Variants in GLCE observed in about 807,000 individuals in gnomAD.
GLCE encodes the protein glucuronic acid epimerase.
Under a neutral mutation model 47.9 loss-of-function variants are expected in GLCE, and 19 were observed. The ratio of observed to expected loss-of-function variants is 0.40; its 90% CI spans 0.28 to 0.58. GLCE has a LOEUF of 0.58. Ranked by LOEUF, GLCE falls within the 20% of genes least tolerant of loss-of-function variation. The probability of loss-of-function intolerance (pLI) is 0.48; values close to 1 mark genes in which losing one functional copy is unlikely to be tolerated. For missense variants in GLCE, 556 were observed against 743.3 expected (o/e 0.75, Z 2.93); for synonymous variants, 245 against 263.4 (o/e 0.93, Z 0.68).
At chr15:69,245,246 T>C (rs2052729823) in intron 2 of GLCE, among the ~76,000 whole-genome samples, 1 of 145,122 alleles carries the variant, frequency 6.9e-6, no homozygotes, top group African/African-American at 2.6e-5. Flanking sequence ...GGCACAAGAA[T>C]CGCTTGAACC....
chr15:69,179,481 G>T (rs2051720156), intron 1 of GLCE, among the ~76,000 whole-genome samples: 1 of 152,132 alleles, frequency 6.6e-6, no homozygotes, highest in South Asian at 2.1e-4. Context: ...GGCACTCATT[G>T]TATGTGTGTA....
chr15:69,264,361 TATG>T (rs2140453385), intron 4 of GLCE, among the ~76,000 whole-genome samples: 1 of 152,210 alleles, frequency 6.6e-6, no homozygotes, highest in East Asian at 1.9e-4. Flanking sequence ...ATTCTATAGG[TATG>T]TGTGTGTGTA....
At chr15:69,219,948 C>T (rs535501518) in intron 2 of GLCE, among the ~76,000 whole-genome samples, 1 of 152,150 alleles carries the variant, frequency 6.6e-6, no homozygotes, top group South Asian at 2.1e-4. Flanking sequence ...TGAATAAGTA[C>T]CTCATACAAA....
chr15:69,170,204 T>G (rs2140328233), intron 1 of GLCE, among the ~76,000 whole-genome samples: 1 of 152,308 alleles, frequency 6.6e-6, no homozygotes, highest in African/African-American at 2.4e-5. Context: ...ACTTAATTTG[T>G]ATTTCTTTGG....
At chr15:69,233,661 T>C (rs1238555362) in intron 2 of GLCE, among the ~76,000 whole-genome samples, 2 of 151,534 alleles carry the variant, frequency 1.3e-5, no homozygotes, top group African/African-American at 2.4e-5. Context: ...TTGTAGGGTA[T>C]GATAAGAAGC....
intron 2 of GLCE, among the ~76,000 whole-genome samples, chr15:69,241,867 T>C (rs1566966064): frequency 6.6e-6 from 1 of 152,214 alleles, no homozygotes; most frequent in Admixed American, 6.5e-5. Context: ...ACCAAATTAA[T>C]CATCAGAATC....
intron 1 of GLCE, among the ~76,000 whole-genome samples, chr15:69,161,453 C>T (rs1263116396): frequency 6.6e-6 from 1 of 151,916 alleles, no homozygotes; most frequent in South Asian, 2.1e-4. Flanking sequence ...TCTGCTTTGC[C>T]CGGAGCGGGG....
intron 2 of GLCE, among the ~76,000 whole-genome samples, chr15:69,238,617 G>A (rs1404078117): frequency 6.6e-6 from 1 of 152,104 alleles, no homozygotes; most frequent in Admixed American, 6.6e-5. Context: ...TAAGGTTTGA[G>A]GATAAATGAG....
chr15:69,248,218 T>G (rs1337031730), intron 2 of GLCE, among the ~76,000 whole-genome samples: 1 of 152,228 alleles, frequency 6.6e-6, no homozygotes, highest in African/African-American at 2.4e-5. Context: ...CCAAAAATAT[T>G]AGGCAGTTCT....
intron 2 of GLCE, among the ~76,000 whole-genome samples, chr15:69,220,225 G>T (rs576857535): frequency 7.9e-5 from 12 of 152,214 alleles, no homozygotes; most frequent in African/African-American, 2.9e-4. Flanking sequence ...GTTCTTTAGG[G>T]ATATACTGAG....
chr15:69,260,252 GTTTTTT>G (rs34911776), intron 3 of GLCE, among the ~76,000 whole-genome samples: 1 of 79,224 alleles, frequency 1.3e-5, no homozygotes. Context: ...GTCACAACTG[GTTTTTT>G]TTTTTTTTTT....
intron 1 of GLCE, among the ~76,000 whole-genome samples, chr15:69,167,253 A>G (rs549407236): frequency 2.6e-5 from 4 of 152,254 alleles, no homozygotes; most frequent in East Asian, 1.9e-4. Flanking sequence ...AACAAAAACT[A>G]TTGCTTGAAA....
chr15:69,161,260 G>A (rs1352831479), intron 1 of GLCE, among the ~76,000 whole-genome samples: 1 of 152,116 alleles, frequency 6.6e-6, no homozygotes, highest in Non-Finnish European at 1.5e-5. Flanking sequence ...TTGAGCGGGC[G>A]TGGGCGTCCG....
intron 1 of GLCE, among the ~76,000 whole-genome samples, chr15:69,186,576 AAAAT>A (rs1372802811): frequency 6.6e-5 from 10 of 152,346 alleles, no homozygotes; most frequent in African/African-American, 1.4e-4. Flanking sequence ...CTGATGCTAA[AAAAT>A]AAATAGTTGA....
In GLCE at chr15:69,173,588, T is replaced by G. The variant is rs570869169; in HGVS notation, c.-105+12831T>G. On this transcript the variant is annotated intron_variant, in intron 1 of 4. Coordinates refer to ENST00000261858, the MANE Select transcript of GLCE (RefSeq NM_015554.3). Reference sequence around the variant, plus strand: ...GGTCTTGCTCTGTTGCCCAGGCTGGTGACAATTTGAATGGAGTAAACATTC... The same window carrying G: ...GGTCTTGCTCTGTTGCCCAGGCTGGGGACAATTTGAATGGAGTAAACATTC... 2.2e-4 allele frequency among the ~76,000 whole-genome samples: 33 copies of G among 152,246 alleles called. 1 individual carries two copies. The South Asian group carries it at 6.2e-3, about 29-fold the overall frequency.
intron 3 of GLCE, chr15:69,260,872 TAATG>T (rs1164560947): frequency 2.0e-5 from 10 of 494,272 alleles, no homozygotes; most frequent in South Asian, 1.1e-4. Flanking sequence ...TGTTAACAAA[TAATG>T]AATGAGAGTG....
intron 1 of GLCE, among the ~76,000 whole-genome samples, chr15:69,207,365 C>G (rs1468409900): frequency 1.3e-5 from 2 of 151,998 alleles, no homozygotes; most frequent in African/African-American, 2.4e-5. Context: ...TACAGAACAA[C>G]TTCATCACAC....
chr15:69,250,409 C>G (rs557573722), intron 2 of GLCE, among the ~76,000 whole-genome samples: 1 of 152,124 alleles, frequency 6.6e-6, no homozygotes, highest in Non-Finnish European at 1.5e-5. Context: ...GAAAAAAACC[C>G]GTGCCCATTT....
At position 69,176,493 on chromosome 15, in the gene GLCE, G is replaced by T. The variant is rs542637687; in HGVS notation, c.-105+15736G>T. 2.6e-5 allele frequency among the ~76,000 whole-genome samples: 4 copies of T among 151,994 alleles called. No individual in the cohort carries two copies. The East Asian group carries it at 7.7e-4, about 29-fold the overall frequency. On this transcript the variant is annotated intron_variant, in intron 1 of 4. Transcript: ENST00000261858. Reference sequence around the variant, plus strand: ...CCCACCTCAGCCACCCAAAGTACTGGGATTACAGGCATGCGTCAGCCACCA... The same window carrying T: ...CCCACCTCAGCCACCCAAAGTACTGTGATTACAGGCATGCGTCAGCCACCA...
Sources: allele counts gnomAD v4.1 joint callset (sites outside exome capture counted in the v4.1 genomes callset), GRCh38; gene constraint gnomAD v4.1.1; transcripts MANE v1.5; gene names NCBI Gene and HGNC (gene_info 2026-07-23, HGNC 2026-07-21).